NRXN3: variants seen among roughly 807,000 people sequenced by gnomAD.
NRXN3 encodes the protein neurexin III.
A neutral mutation model predicts 137.6 loss-of-function variants in NRXN3; 32 were observed. The ratio of observed to expected loss-of-function variants is 0.23; its 90% CI spans 0.18 to 0.31. The LOEUF is 0.31. NRXN3 is among the 10% of genes least tolerant of loss of function. NRXN3 has a pLI of 1.00. For synonymous variants in NRXN3, 798 were observed against 784.5 expected (o/e 1.02, Z -0.29); for missense variants, 1,574 against 2,062.5 (o/e 0.76, Z 4.59).
At chr14:78,951,243 A>G (rs2099386454) in intron 10 of NRXN3, among the ~76,000 whole-genome samples, 1 of 152,168 alleles carries the variant, frequency 6.6e-6, no homozygotes, top group African/African-American at 2.4e-5. Flanking sequence ...AATTGAGATT[A>G]TATAATCTCC....
intron 8 of NRXN3, among the ~76,000 whole-genome samples, chr14:78,785,625 G>A (rs762861962): frequency 2.6e-5 from 4 of 152,168 alleles, no homozygotes; most frequent in East Asian, 1.9e-4. Context: ...AAGTGTTTAT[G>A]ACTTAATTTT....
intron 4 of NRXN3, among the ~76,000 whole-genome samples, chr14:78,618,245 A>G (rs777820636): frequency 2.0e-5 from 3 of 151,252 alleles, no homozygotes; most frequent in Admixed American, 6.6e-5. Flanking sequence ...CCACTTACAG[A>G]GTTGTGCTAT....
intron 19 of NRXN3, among the ~76,000 whole-genome samples, chr14:79,742,108 A>G (rs1424806909): frequency 1.3e-5 from 2 of 152,124 alleles, no homozygotes; most frequent in Non-Finnish European, 2.9e-5. Flanking sequence ...TCCCTTTGCA[A>G]TATAGTGTGG....
At chr14:79,489,424 C>A (rs964809575) in intron 16 of NRXN3, among the ~76,000 whole-genome samples, 2 of 152,128 alleles carry the variant, frequency 1.3e-5, no homozygotes, top group African/African-American at 4.8e-5. Flanking sequence ...CCTCAAGGCA[C>A]ACCTTGCTCC....
At chr14:78,323,811 G>A (rs1260561482) in intron 4 of NRXN3, among the ~76,000 whole-genome samples, 1 of 152,034 alleles carries the variant, frequency 6.6e-6, no homozygotes, top group African/African-American at 2.4e-5. Context: ...CCAGGATCCT[G>A]ATGGTCAGAT....
intron 4 of NRXN3, among the ~76,000 whole-genome samples, chr14:78,409,994 G>T (rs777483726): frequency 1.3e-5 from 2 of 152,068 alleles, no homozygotes; most frequent in Non-Finnish European, 2.9e-5. Flanking sequence ...TCCTCCTCTT[G>T]CCTCATGATC....
Position 78,979,439 on chromosome 14 carries a change from C to T in NRXN3, c.3143-8583C>T, listed in dbSNP as rs548623044. 1.7e-3 allele frequency among the ~76,000 whole-genome samples: 260 copies of T among 152,196 alleles called. 1 individual carries two copies. The highest frequency in any genetic ancestry group is 5.5e-3 in the African/African-American group (227 of 41,536). On this transcript the variant is annotated intron_variant, in intron 14 of 20. Coordinates refer to ENST00000335750, the MANE Select transcript of NRXN3 (RefSeq NM_001330195.2). ...TATTTATATGAGACTTATATAAATA[C>T]ACACACATATACATAAATCTATGTA...
chr14:78,472,137 A>G (rs889569014), intron 4 of NRXN3, among the ~76,000 whole-genome samples: 1 of 152,194 alleles, frequency 6.6e-6, no homozygotes, highest in African/African-American at 2.4e-5. Flanking sequence ...GACACAGCTT[A>G]CTGTTTGAGG....
chr14:79,468,641 C>T (rs2096460258), intron 16 of NRXN3, among the ~76,000 whole-genome samples: 7 of 152,094 alleles, frequency 4.6e-5, no homozygotes, highest in Admixed American at 2.6e-4. Flanking sequence ...GATGGCTGGC[C>T]GGAATCATGC....
At chr14:78,194,549 CTGCCGGGCCTGGCT>C (rs1280127315) in intron 1 of NRXN3, among the ~76,000 whole-genome samples, 2 of 152,144 alleles carry the variant, frequency 1.3e-5, no homozygotes, top group African/African-American at 4.8e-5. Flanking sequence ...AGGGCCTGGC[CTGCCGGGCCTGGCT>C]GCATCTGGCA....
intron 15 of NRXN3, among the ~76,000 whole-genome samples, chr14:79,307,197 T>C (rs2086238780): frequency 6.6e-6 from 1 of 152,092 alleles, no homozygotes; most frequent in Non-Finnish European, 1.5e-5. Context: ...AATTTCCTCA[T>C]ATGGAAATGA....
At chr14:79,513,921 A>C (rs1019967969) in intron 16 of NRXN3, among the ~76,000 whole-genome samples, 1 of 152,332 alleles carries the variant, frequency 6.6e-6, no homozygotes, top group East Asian at 1.9e-4. Flanking sequence ...AAAATCTAAA[A>C]TGTCACTATA....
At chr14:78,954,609 C>T (rs1297255670) in intron 10 of NRXN3, among the ~76,000 whole-genome samples, 10 of 151,970 alleles carry the variant, frequency 6.6e-5, no homozygotes, top group Admixed American at 2.6e-4. Flanking sequence ...GGACTACAGG[C>T]GCCTGCCACC....
At chr14:78,794,135 C>T (rs2098813970) in intron 8 of NRXN3, among the ~76,000 whole-genome samples, 1 of 152,144 alleles carries the variant, frequency 6.6e-6, no homozygotes, top group African/African-American at 2.4e-5. Context: ...AATCACAACA[C>T]TTTGGGAGGC....
At chr14:78,521,797 A>C (rs191578168) in intron 4 of NRXN3, among the ~76,000 whole-genome samples, 1 of 152,232 alleles carries the variant, frequency 6.6e-6, no homozygotes, top group Admixed American at 6.5e-5. Flanking sequence ...AAATTTAAAA[A>C]AAACCCCATG....
intron 16 of NRXN3, among the ~76,000 whole-genome samples, chr14:79,563,890 T>G (rs1261373109): frequency 6.6e-6 from 1 of 151,958 alleles, no homozygotes; most frequent in Non-Finnish European, 1.5e-5. Flanking sequence ...AATAGCTGGG[T>G]CTTATTGACT....
chr14:78,390,510 G>A (rs554683032), intron 4 of NRXN3, among the ~76,000 whole-genome samples: 58 of 152,202 alleles, frequency 3.8e-4, no homozygotes, highest in African/African-American at 1.2e-3. Flanking sequence ...TTAGCTGTTC[G>A]CTCCAACTTT....
At chr14:78,777,796 T>C (rs1398916385) in intron 8 of NRXN3, among the ~76,000 whole-genome samples, 2 of 152,148 alleles carry the variant, frequency 1.3e-5, no homozygotes, top group Non-Finnish European at 2.9e-5. Flanking sequence ...AGAGTCTCGT[T>C]CTGTCACCCA....
At chr14:79,279,198 C>G (rs1172102261) in intron 15 of NRXN3, 1 of 258,190 alleles carries the variant, frequency 3.9e-6, no homozygotes, top group Non-Finnish European at 6.1e-6. Flanking sequence ...TGGAGGCTCG[C>G]GCGGGTGTAT....
Sources: allele counts gnomAD v4.1 joint callset (sites outside exome capture counted in the v4.1 genomes callset), GRCh38; gene constraint gnomAD v4.1.1; transcripts MANE v1.5; gene names NCBI Gene and HGNC (gene_info 2026-07-23, HGNC 2026-07-21).